Variants in CPZ observed in about 807,000 individuals in gnomAD.
CPZ encodes VEZT/CPZ fusion.
CPZ carries 103 observed loss-of-function variants against 61.8 expected under a neutral mutation model. The observed-to-expected ratio is 1.67, with a 90% confidence interval of 1.42 to 1.96. The LOEUF is 1.96. Among genes scored for constraint, CPZ ranks in the 30% most tolerant of loss-of-function variants. The pLI is 0.00. For missense variants in CPZ, 1,461 were observed against 914.9 expected, an observed-to-expected ratio of 1.60 and a Z score of -7.70; for synonymous variants, 551 against 373.7, an observed-to-expected ratio of 1.47 and a Z score of -5.47.
intron 7 of CPZ, among the ~76,000 whole-genome samples, chr4:8,610,333 G>GCCCCTGCA: frequency 6.6e-6 from 1 of 152,208 alleles, no homozygotes; most frequent in Non-Finnish European, 1.5e-5. Context: ...CCAGATCTGG[G>GCCCCTGCA]CCCCTGCACC....
At chr4:8,607,544 A>G (rs1715144418) in intron 7 of CPZ, 119 bp downstream of exon 7, 2 of 1,216,390 alleles carry the variant, frequency 1.6e-6, no homozygotes, top group Non-Finnish European at 2.3e-6. Context: ...CTCTACTCAG[A>G]GCGGGTCAGC....
At chr4:8,599,700 G>A (rs906899432) in intron 2 of CPZ, 61 of 1,294,618 alleles carry the variant, frequency 4.7e-5, no homozygotes, top group Middle Eastern at 3.9e-4. Context: ...GCTTCCCACC[G>A]GGCTATGCCC....
chr4:8,609,397 A>C (rs1288120531), intron 7 of CPZ, among the ~76,000 whole-genome samples: 1 of 147,498 alleles, frequency 6.8e-6, no homozygotes, highest in African/African-American at 2.7e-5. Context: ...TCTTTCACTC[A>C]TTGGTTTATT....
chr4:8,604,861 G>T lies in CPZ; in HGVS notation c.709+673G>T, dbSNP rs1320204368. Among the ~76,000 whole-genome samples the T allele has an allele frequency of 2.6e-5, 4 of 152,326 alleles. No individual in the cohort carries two copies. In the East Asian group the frequency reaches 7.7e-4, roughly 29 times the overall value. On this transcript the variant is annotated intron_variant, in intron 4 of 10. Transcript: ENST00000360986. ...ACTCAGGGCCTTTTCAGTGCTGGCA[G>T]CCTCAGCCAGTCTTCATCCTACTGG...
At position 8,592,842 on chromosome 4, in the gene CPZ, C is replaced by A. The variant is rs567607052; in HGVS notation, c.9C>A (p.Pro3=). 2 of 1,479,802 alleles carry A rather than the reference C, an allele frequency of 1.4e-6. No homozygotes were observed. The highest frequency in any genetic ancestry group is 1.5e-5 in the African/African-American group (1 of 68,544). 91.7% of individuals were successfully genotyped at this position (1,479,802 alleles called of 1,614,324 possible). Residue 3 remains proline, a synonymous_variant, in exon 1 of 11, where the codon CCC becomes CCA. Coordinates refer to ENST00000360986, the MANE Select transcript of CPZ (RefSeq NM_001014447.3). The part of the protein sequence containing the change: MP[P]PLPLLLLTVL... ...AGGTCCGCCGCCCCACCATGCCGCCCCCGCTGCCGCTGCTGCTCCTTACAG... is the reference window on the plus strand; with the variant it reads ...AGGTCCGCCGCCCCACCATGCCGCCACCGCTGCCGCTGCTGCTCCTTACAG...
At chr4:8,606,968 C>T in intron 6 of CPZ, 70 bp downstream of exon 6, 9 of 1,499,902 alleles carry the variant, frequency 6.0e-6, no homozygotes, top group Non-Finnish European at 4.5e-6. Flanking sequence ...TCCAGGCTCT[C>T]TGGAGTTGTC....
At chr4:8,595,616 C>A (rs1457034179) in intron 1 of CPZ, among the ~76,000 whole-genome samples, 1 of 152,270 alleles carries the variant, frequency 6.6e-6, no homozygotes, top group Non-Finnish European at 1.5e-5. Flanking sequence ...GGGCTCCTCC[C>A]AGACCATCCT....
intron 7 of CPZ, among the ~76,000 whole-genome samples, chr4:8,609,056 C>CTCACCCAT (rs1560297684): frequency 4.5e-4 from 38 of 84,658 alleles, no homozygotes; most frequent in Middle Eastern, 6.2e-3. Context: ...CCCTCCCTCC[C>CTCACCCAT]TCACTCCCTC....
In CPZ at chr4:8,605,919, G is replaced by A. The variant is rs551547280; in HGVS notation, c.710-70G>A. 6.5e-5 allele frequency: 96 copies of A among 1,469,208 alleles called. No individual in the cohort carries two copies. The East Asian group carries it at 1.8e-3, about 27-fold the overall frequency. The allele number at this position is 1,469,208 out of a possible 1,614,324, so 91.0% of individuals were successfully genotyped here. Reference sequence around the variant, plus strand: ...GCCCATCTGGTCATTCTTGCTGAGTGGGGGGGCCTCATGCCTTTGGGGACC... The same window carrying A: ...GCCCATCTGGTCATTCTTGCTGAGTAGGGGGGCCTCATGCCTTTGGGGACC... On this transcript the variant is annotated intron_variant, in intron 4 of 10. Coordinates refer to ENST00000360986, the MANE Select transcript of CPZ (RefSeq NM_001014447.3).
chr4:8,609,127 T>TCAC (rs1715348301), intron 7 of CPZ, among the ~76,000 whole-genome samples: 3 of 139,456 alleles, frequency 2.2e-5, no homozygotes, highest in South Asian at 2.4e-4. Flanking sequence ...CCCTCACTCA[T>TCAC]TCACTCATTT....
chr4:8,612,011 C>G lies in CPZ; in HGVS notation c.1228-16C>G, dbSNP rs775040080. On this transcript the variant is annotated splice_polypyrimidine_tract_variant and intron_variant, in intron 7 of 10. Coordinates refer to ENST00000360986, the MANE Select transcript of CPZ (RefSeq NM_001014447.3). ...CAGGGGACCCTTTCCTTATCTGAGC[C>G]AGGTTTCTTTTCCAGATGTTCAAGC... 2 of 1,613,712 alleles carry G rather than the reference C, an allele frequency of 1.2e-6. No individual in the cohort carries two copies. The highest frequency in any genetic ancestry group is 1.3e-5 in the African/African-American group (1 of 74,888).
intron 6 of CPZ, 148 bp from the exon 7 acceptor site, chr4:8,607,119 G>C: frequency 1.8e-6 from 2 of 1,096,444 alleles, no homozygotes; most frequent in Non-Finnish European, 2.6e-6. Flanking sequence ...GGGGCCCAGT[G>C]ATGGGGGCCG....
At chr4:8,618,586 G>A (rs1050963172) in intron 10 of CPZ, 58 bp downstream of exon 10, 135 of 1,524,044 alleles carry the variant, frequency 8.9e-5, no homozygotes, top group South Asian at 3.8e-4. Flanking sequence ...ATGCCACACC[G>A]TGGCAGCCGG....
chr4:8,613,278 C>T (rs1715870748), intron 8 of CPZ, among the ~76,000 whole-genome samples: 3 of 152,022 alleles, frequency 2.0e-5, no homozygotes, highest in South Asian at 2.1e-4. Context: ...ATTACAGGCG[C>T]CCACCACCAC....
rs1189935613 is a variant in CPZ at position 8,607,248 on chromosome 4, C to T, written c.1069-19C>T. 4 of 1,611,806 alleles carry T rather than the reference C, an allele frequency of 2.5e-6. No homozygotes were observed. Among genetic ancestry groups the T allele is most frequent in the African/African-American group, 1.3e-5 (1 of 75,028 alleles). The stretch of plus-strand genomic sequence containing the variant: ...TGGGAAAGCCCAGCCCTGAGGGCGG[C>T]CTCGTCTGTCCTGGGCAGGTGGCCC... On this transcript the variant is annotated intron_variant, in intron 6 of 10. Transcript: ENST00000360986.
At chr4:8,613,322 G>A (rs985362180) in intron 8 of CPZ, among the ~76,000 whole-genome samples, 1 of 152,146 alleles carries the variant, frequency 6.6e-6, no homozygotes, top group Non-Finnish European at 1.5e-5. Context: ...AGTAGAGATG[G>A]GGTTTCACCA....
chr4:8,608,064 G>C (rs1037801950), intron 7 of CPZ, among the ~76,000 whole-genome samples: 2 of 152,252 alleles, frequency 1.3e-5, no homozygotes, highest in South Asian at 2.1e-4. Context: ...CGCGGAGTTG[G>C]TCCGTTCCCA....
chr4:8,611,905 C>T, intron 7 of CPZ, 122 bp from the exon 8 acceptor site: 1 of 1,369,022 alleles, frequency 7.3e-7, no homozygotes. Flanking sequence ...CTGCAGACAC[C>T]ATTCCCCTCT....
Position 8,619,505 on chromosome 4 carries a change from C to A in CPZ, c.1847C>A (p.Pro616His). The part of the protein sequence containing the change: ...GASSLGEATE[P>H]DPLRARRQPS... ...AGCTCTTTGGGGGAGGCCACGGAGCCCGACCCGCTCCGGGCGCGCAGGCAG... is the reference window on the plus strand; with the variant it reads ...AGCTCTTTGGGGGAGGCCACGGAGCACGACCCGCTCCGGGCGCGCAGGCAG... Residue 616 changes from proline (P) to histidine (H), a missense_variant, in exon 11 of 11, where the codon CCC (proline) becomes CAC (histidine). Physicochemically the swap from Pro to His is moderately conservative, Grantham distance 77. Transcript: ENST00000360986. 6.2e-7 allele frequency: 1 copy of A among 1,602,072 alleles called. No individual in the cohort carries two copies. Among genetic ancestry groups the A allele is most frequent in the East Asian group, 2.2e-5 (1 of 44,600 alleles).
Sources: gnomAD v4.1 joint callset for allele counts (sites outside exome capture counted in the v4.1 genomes callset) on GRCh38, gnomAD v4.1.1 for gene constraint, MANE v1.5 for transcripts, NCBI Gene and HGNC (gene_info 2026-07-23, HGNC 2026-07-21) for gene names.